CERS5: variants seen among roughly 807,000 people sequenced by gnomAD.
CERS5 encodes the protein ceramide synthase 5.
A neutral mutation model predicts 58.9 loss-of-function variants in CERS5; 37 were observed. That is an observed-to-expected ratio of 0.63 (90% CI 0.48 to 0.83). The LOEUF (loss-of-function observed/expected upper bound fraction) is 0.83, where lower values mean the gene tolerates loss of function less well. CERS5 is among the 40% of genes least tolerant of loss of function. The pLI is 0.00. For missense variants in CERS5, 398 were observed against 489.3 expected, an observed-to-expected ratio of 0.81 and a Z score of 1.76; for synonymous variants, 147 against 177.8, an observed-to-expected ratio of 0.83 and a Z score of 1.38.
chr12:50,134,051 AAC>A (rs1215887815), intron 9 of CERS5: 2 of 150,850 alleles, frequency 1.3e-5, no homozygotes, highest in Non-Finnish European at 2.7e-5. Context: ...CAGCCTGGGC[AAC>A]AGAGCGAGAT....
intron 1 of CERS5, among the ~76,000 whole-genome samples, chr12:50,158,980 A>T (rs1342444600): frequency 6.6e-6 from 1 of 152,004 alleles, no homozygotes; most frequent in Non-Finnish European, 1.5e-5. Context: ...AGATGTAAAA[A>T]GGCAAAATTA....
At chr12:50,136,206 C>T in intron 6 of CERS5, 137 bp from the exon 7 acceptor site, 1 of 705,494 alleles carries the variant, frequency 1.4e-6, no homozygotes, top group Non-Finnish European at 2.0e-6. Flanking sequence ...GGCGAGGTGG[C>T]TCATGCCTGT....
At chr12:50,135,156 GA>G in intron 8 of CERS5, among the ~76,000 whole-genome samples, 3 of 52,170 alleles carry the variant, frequency 5.8e-5, no homozygotes, top group Non-Finnish European at 1.3e-4. Context: ...AGGAGGGAGG[GA>G]GAGAGAGGGG....
chr12:50,162,206 T>TTA (rs71083514), intron 1 of CERS5, among the ~76,000 whole-genome samples: 62 of 145,364 alleles, frequency 4.3e-4, no homozygotes, highest in Non-Finnish European at 8.6e-4. Context: ...TTTTTTTTTT[T>TTA]AAATGTATAT....
At chr12:50,137,638 G>T in intron 6 of CERS5, 90 bp downstream of exon 6, 1 of 716,492 alleles carries the variant, frequency 1.4e-6, no homozygotes. Context: ...TGCAGTCTCA[G>T]GGAAGATAAT....
intron 1 of CERS5, among the ~76,000 whole-genome samples, chr12:50,147,087 T>C (rs7301649): frequency 0.71 from 107,533 of 151,906 alleles, 39,158 homozygotes; most frequent in East Asian, 0.92. Flanking sequence ...ATACAAAAGG[T>C]TGGTATTTGG....
rs184365795 is a variant in CERS5, at chr12:50,149,215, T to C, written c.198-5158A>G. 1.0e-3 allele frequency among the ~76,000 whole-genome samples: 157 copies of C among 152,182 alleles called. 1 individual carries two copies. Among genetic ancestry groups the C allele is most frequent in the Admixed American group, 2.0e-3 (31 of 15,260 alleles). On this transcript the variant is annotated intron_variant, in intron 1 of 9. Transcript: ENST00000317551. ...CTGTCTTCTCCAGGATCAATCCACA[T>C]TTTAAAATAATTTGTCAGACAAGAT...
intron 2 of CERS5, chr12:50,143,434 TA>T: frequency 2.4e-6 from 1 of 417,890 alleles, no homozygotes; most frequent in Admixed American, 4.1e-5. Context: ...CCAAGCTGAG[TA>T]AAAAAGGATA....
chr12:50,162,184 C>CTTTTTTTTTTTTTTTTTTTTT (rs75460499), intron 1 of CERS5, among the ~76,000 whole-genome samples: 1 of 129,366 alleles, frequency 7.7e-6, no homozygotes. Context: ...CTGATTTGTT[C>CTTTTTTTTTTTTTTTTTTTTT]TTTTTTTTTT....
At chr12:50,158,747 T>C (rs1481247100) in intron 1 of CERS5, among the ~76,000 whole-genome samples, 1 of 152,208 alleles carries the variant, frequency 6.6e-6, no homozygotes, top group Admixed American at 6.5e-5. Flanking sequence ...CAATCTGATC[T>C]AGTTTGAGAC....
chr12:50,167,150 C>T lies in CERS5; in HGVS notation c.148G>A (p.Val50Met). Residue 50 changes from valine to methionine, a missense_variant, in exon 1 of 10, where the codon GTG becomes ATG. Physicochemically the swap from Val to Met is conservative, Grantham distance 21. This residue lies in a region of CERS5 where 328 missense variants were observed against 384.5 expected (regional missense o/e 0.85). Coordinates refer to ENST00000317551, the MANE Select transcript of CERS5 (RefSeq NM_147190.5). ...AAGATGCCCGCCGCCAGCGGGAACA[C>T]CGAGAGGATGTGCCGGCCGCGGGGG... ...GYPRGRHILS[V>M]FPLAAGIFFV... The T allele has an allele frequency of 6.3e-7, 1 of 1,593,020 alleles. No homozygotes were observed. The highest frequency in any genetic ancestry group is 8.5e-7 in the Non-Finnish European group (1 of 1,173,086).
intron 1 of CERS5, among the ~76,000 whole-genome samples, chr12:50,146,832 G>GT (rs1386339714): frequency 8.0e-6 from 1 of 125,048 alleles, no homozygotes; most frequent in Non-Finnish European, 1.6e-5. Flanking sequence ...GGGCGACAAA[G>GT]TGAGACTCCG....
Position 50,137,840 on chromosome 12 carries a change from A to T in CERS5, c.544-20T>A. 1 of 1,511,158 alleles carries T rather than the reference A, an allele frequency of 6.6e-7. No individual in the cohort carries two copies. 93.6% of individuals were successfully genotyped at this position (1,511,158 alleles called of 1,614,324 possible). On this transcript the variant is annotated intron_variant, in intron 5 of 9. Transcript: ENST00000317551. ...AAGAGGCTGGAAGAGAGAAAGAAGT[A>T]GTTAGATTACCGGCTAGTCAAAGGT... is the stretch of plus-strand genomic sequence containing the variant.
intron 4 of CERS5, 70 bp from the exon 5 acceptor site, chr12:50,138,687 A>G: frequency 7.4e-7 from 1 of 1,348,914 alleles, no homozygotes; most frequent in Non-Finnish European, 1.1e-6. Context: ...ACCTCATATA[A>G]TCCCCTTCTC....
intron 1 of CERS5, chr12:50,148,466 A>G: frequency 4.2e-6 from 1 of 239,904 alleles, no homozygotes; most frequent in South Asian, 3.4e-5. Flanking sequence ...GCATGGCGGC[A>G]CATACCTGTA....
intron 1 of CERS5, among the ~76,000 whole-genome samples, chr12:50,162,231 GAAAT>G (rs1013941579): frequency 2.1e-5 from 3 of 145,150 alleles, no homozygotes; most frequent in Non-Finnish European, 4.5e-5. Flanking sequence ...TGTGTAACAG[GAAAT>G]AAATTTGTTC....
intron 9 of CERS5, among the ~76,000 whole-genome samples, chr12:50,132,586 G>C (rs1254549931): frequency 6.6e-6 from 1 of 152,160 alleles, no homozygotes; most frequent in Middle Eastern, 3.2e-3. Flanking sequence ...TGCCAAGGAG[G>C]TGGGCATTTG....
intron 9 of CERS5, chr12:50,133,164 G>A (rs1349997512): frequency 4.2e-5 from 51 of 1,222,696 alleles, no homozygotes; most frequent in Non-Finnish European, 5.1e-5. Flanking sequence ...GCAGCTATAA[G>A]GAATAATGAT....
In CERS5 at chr12:50,138,640, T is replaced by C. The variant is rs748726250; in HGVS notation, c.493-23A>G. 2.5e-5 allele frequency: 40 copies of C among 1,605,320 alleles called. No individual in the cohort carries two copies. In the Middle Eastern group the frequency reaches 1.3e-3, roughly 53 times the overall value. Reference sequence around the variant, plus strand: ...TGACTAAGAGAAAACAGATAATCCATGTCAGTCCTCAAGATTCTCACCTGG... The same window carrying C: ...TGACTAAGAGAAAACAGATAATCCACGTCAGTCCTCAAGATTCTCACCTGG... On this transcript the variant is annotated intron_variant, in intron 4 of 9. Coordinates refer to ENST00000317551, the MANE Select transcript of CERS5 (RefSeq NM_147190.5).
Sources: allele counts gnomAD v4.1 joint callset (sites outside exome capture counted in the v4.1 genomes callset), GRCh38; gene constraint gnomAD v4.1.1; regional missense constraint gnomAD v4.1.1; transcripts MANE v1.5; gene names NCBI Gene and HGNC (gene_info 2026-07-23, HGNC 2026-07-21).